LYRM7: variants seen among roughly 807,000 people sequenced by gnomAD.
LYRM7 encodes LYR motif containing 7.
In LYRM7, 9 loss-of-function variants were observed where a neutral mutation model predicts 15.8. That is an observed-to-expected ratio of 0.57 (90% CI 0.34 to 0.99). The LOEUF (loss-of-function observed/expected upper bound fraction) is 0.99, where lower values mean the gene tolerates loss of function less well. Among genes scored for constraint, LYRM7 ranks in the 50% least tolerant of loss-of-function variants. LYRM7 has a pLI of 0.02. For missense variants in LYRM7, 115 were observed against 119.1 expected (o/e 0.97, Z 0.16); for synonymous variants, 39 against 39.4 (o/e 0.99, Z 0.04).
intron 4 of LYRM7, among the ~76,000 whole-genome samples, chr5:131,197,846 C>CTGTGTGTGTG (rs56146861): frequency 0.019 from 2,747 of 143,338 alleles, 64 homozygotes; most frequent in African/African-American, 0.049. Flanking sequence ...CATCTGGCCA[C>CTGTGTGTGTG]TGTGTGTGTG....
At chr5:131,197,847 T>TGTGTGTGTGA (rs1491462597) in intron 4 of LYRM7, among the ~76,000 whole-genome samples, 2 of 166 alleles carry the variant, frequency 0.012, no homozygotes, top group East Asian at 0.25. Context: ...ATCTGGCCAC[T>TGTGTGTGTGA]GTGTGTGTGT....
intron 1 of LYRM7, among the ~76,000 whole-genome samples, chr5:131,175,480 T>C (rs1417025874): frequency 6.6e-6 from 1 of 152,136 alleles, no homozygotes; most frequent in Non-Finnish European, 1.5e-5. Flanking sequence ...ATTACAGGCA[T>C]GAGCAACATG....
At chr5:131,178,767 C>T (rs916631478) in intron 1 of LYRM7, among the ~76,000 whole-genome samples, 2 of 151,970 alleles carry the variant, frequency 1.3e-5, no homozygotes, top group African/African-American at 4.8e-5. Flanking sequence ...TGAAACCAGC[C>T]CAGCCAACAT....
Position 131,200,354 on chromosome 5 carries a change from T to C in LYRM7, c.*753T>C, listed in dbSNP as rs1180149177. 1.3e-5 allele frequency: 2 copies of C among 152,342 alleles called. No homozygotes were observed. The highest frequency in any genetic ancestry group is 2.9e-5 in the Non-Finnish European group (2 of 68,014). 9.4% of individuals were successfully genotyped at this position (152,342 alleles called of 1,614,324 possible). A position where few individuals can be genotyped will look rare whatever the true frequency, so the allele number is the denominator to read the frequency against. ...AGACTTTAGTGTGAAATGTAATCGG[T>C]GGCTACATTCTCATCGTTTTAATTA... is the stretch of plus-strand genomic sequence containing the variant. On this transcript the variant is annotated 3_prime_UTR_variant, in exon 5 of 5. Coordinates refer to ENST00000379380, the MANE Select transcript of LYRM7 (RefSeq NM_181705.4).
intron 4 of LYRM7, among the ~76,000 whole-genome samples, chr5:131,198,258 C>T (rs1046043246): frequency 6.6e-6 from 1 of 152,148 alleles, no homozygotes; most frequent in Non-Finnish European, 1.5e-5. Flanking sequence ...AATATTGATG[C>T]AATGCTATCA....
rs1756093264 is a variant in LYRM7, at chr5:131,202,655, G to C, written c.*3054G>C. 6.6e-6 allele frequency: 1 copy of C among 152,226 alleles called. No homozygotes were observed. Among genetic ancestry groups the C allele is most frequent in the South Asian group, 2.0e-4 (1 of 4,890 alleles). The allele number at this position is 152,226 out of a possible 1,614,324, so 9.4% of individuals were successfully genotyped here. On this transcript the variant is annotated 3_prime_UTR_variant, in exon 5 of 5. Transcript: ENST00000379380. ...GCCTCCTAAGTAGCTAGGACTACAGGTGCATACCACCATAACCAGCTTTAA... is the reference window on the plus strand; with the variant it reads ...GCCTCCTAAGTAGCTAGGACTACAGCTGCATACCACCATAACCAGCTTTAA...
At chr5:131,195,785 C>A (rs1436714298) in intron 4 of LYRM7, among the ~76,000 whole-genome samples, 1 of 152,130 alleles carries the variant, frequency 6.6e-6, no homozygotes, top group Non-Finnish European at 1.5e-5. Flanking sequence ...AAACTCCAGG[C>A]CTGGCTAGCT....
At chr5:131,192,032 T>TACACAC (rs60867142) in intron 4 of LYRM7, among the ~76,000 whole-genome samples, 299 of 127,748 alleles carry the variant, frequency 2.3e-3, no homozygotes, top group Middle Eastern at 7.7e-3. Flanking sequence ...ATGTGGTGCA[T>TACACAC]ACACACACAC....
At chr5:131,178,961 CAAAAAAAAAAAA>C (rs58612746) in intron 1 of LYRM7, among the ~76,000 whole-genome samples, 3 of 62,944 alleles carry the variant, frequency 4.8e-5, no homozygotes, top group African/African-American at 5.7e-5. Context: ...GACTCCGTCT[CAAAAAAAAAAAA>C]AAAAAAAAAA....
chr5:131,182,600 C>G lies in LYRM7; in HGVS notation c.162+301C>G, dbSNP rs1755732029. Among the ~76,000 whole-genome samples the G allele has an allele frequency of 2.0e-5, 3 of 152,274 alleles. No individual in the cohort carries two copies. In the South Asian group the frequency reaches 6.2e-4, roughly 32 times the overall value. ...CTTCACTTAAAGCAAGTGACTGGAA[C>G]TAAAGAGAATGAGTGTTGTAGTAAC... On this transcript the variant is annotated intron_variant, in intron 3 of 4. Coordinates refer to ENST00000379380, the MANE Select transcript of LYRM7 (RefSeq NM_181705.4).
In LYRM7 at chr5:131,203,153, A is replaced by G. The variant is rs1756103991; in HGVS notation, c.*3552A>G. On this transcript the variant is annotated 3_prime_UTR_variant, in exon 5 of 5. Transcript: ENST00000379380. ...AGGTCAACAAAGAAATGAAGATTCCAGTTCTGAAGGTGAGTTTTCTGAAGC... is the reference window on the plus strand; with the variant it reads ...AGGTCAACAAAGAAATGAAGATTCCGGTTCTGAAGGTGAGTTTTCTGAAGC... 1.3e-5 allele frequency: 2 copies of G among 152,388 alleles called. 1 individual carries two copies. The highest frequency in any genetic ancestry group is 2.9e-5 in the Non-Finnish European group (2 of 68,042). 9.4% of individuals were successfully genotyped at this position (152,388 alleles called of 1,614,324 possible). A position where few individuals can be genotyped will look rare whatever the true frequency, so the allele number is the denominator to read the frequency against.
At chr5:131,198,283 T>G (rs1756002436) in intron 4 of LYRM7, among the ~76,000 whole-genome samples, 1 of 152,184 alleles carries the variant, frequency 6.6e-6, no homozygotes, top group Non-Finnish European at 1.5e-5. Context: ...ATCTTTCCAT[T>G]TGTCCTAATA....
intron 4 of LYRM7, among the ~76,000 whole-genome samples, chr5:131,192,032 T>TACACACACAC (rs60867142): frequency 3.1e-5 from 4 of 127,768 alleles, no homozygotes; most frequent in South Asian, 2.7e-4. Context: ...ATGTGGTGCA[T>TACACACACAC]ACACACACAC....
chr5:131,197,850 G>GTGTGTT (rs1044059986), intron 4 of LYRM7, among the ~76,000 whole-genome samples: 2 of 40,274 alleles, frequency 5.0e-5, no homozygotes, highest in African/African-American at 1.7e-4. Context: ...TGGCCACTGT[G>GTGTGTT]TGTGTGTGTG....
chr5:131,182,351 G>A (rs1456910722), intron 3 of LYRM7, 52 bp downstream of exon 3: 1 of 1,283,466 alleles, frequency 7.8e-7, no homozygotes, highest in East Asian at 3.1e-5. Flanking sequence ...TCTTGTCAAA[G>A]AGGAAATGAT....
rs767380544 is a variant in LYRM7, at chr5:131,180,217, A to G, written c.91+50A>G. The G allele has an allele frequency of 1.2e-5, 16 of 1,306,814 alleles. No individual in the cohort carries two copies. In the Admixed American group the frequency reaches 2.1e-4, roughly 17 times the overall value. 81.0% of individuals were successfully genotyped at this position (1,306,814 alleles called of 1,614,324 possible). A position where few individuals can be genotyped will look rare whatever the true frequency, so the allele number is the denominator to read the frequency against. ...GAGCCAGTCTACTTTTTAGATAACT[A>G]CTAATCTCTCTGAGAAACCCTGTGT... On this transcript the variant is annotated intron_variant, in intron 2 of 4. Coordinates refer to ENST00000379380, the MANE Select transcript of LYRM7 (RefSeq NM_181705.4).
At chr5:131,179,840 G>A (rs1182516481) in intron 1 of LYRM7, among the ~76,000 whole-genome samples, 1 of 152,070 alleles carries the variant, frequency 6.6e-6, no homozygotes. Context: ...GGAGGCTGAG[G>A]CAGGAGAATT....
At chr5:131,190,785 C>G (rs1225521698) in intron 4 of LYRM7, among the ~76,000 whole-genome samples, 3 of 152,148 alleles carry the variant, frequency 2.0e-5, no homozygotes, top group African/African-American at 7.2e-5. Flanking sequence ...GCCACTGCAC[C>G]TGGCTGATCT....
chr5:131,187,230 A>G, intron 4 of LYRM7, 121 bp downstream of exon 4: 1 of 565,726 alleles, frequency 1.8e-6, no homozygotes, highest in Non-Finnish European at 3.2e-6. Flanking sequence ...TATGGTATAT[A>G]GCATATATAT....
Sources: gnomAD v4.1 joint callset for allele counts (sites outside exome capture counted in the v4.1 genomes callset) on GRCh38, gnomAD v4.1.1 for gene constraint, MANE v1.5 for transcripts, NCBI Gene and HGNC (gene_info 2026-07-23, HGNC 2026-07-21) for gene names.